The following CCDC122 variants were observed in gnomAD, a reference collection of about 807,000 sequenced individuals.
CCDC122 encodes the protein coiled-coil domain-containing protein 122.
CCDC122 carries 38 observed loss-of-function variants against 37.0 expected under a neutral mutation model. The observed-to-expected ratio is 1.03, with a 90% CI of 0.79 to 1.35. CCDC122 has a LOEUF of 1.35. Among genes scored for constraint, CCDC122 ranks in the 40% most tolerant of loss-of-function variants. The pLI, the probability that CCDC122 is intolerant of heterozygous loss-of-function variation, is 0.00. For missense variants in CCDC122, 305 were observed against 310.0 expected, an observed-to-expected ratio of 0.98 and a Z score of 0.12; for synonymous variants, 83 against 95.6, an observed-to-expected ratio of 0.87 and a Z score of 0.77.
chr13:43,858,218 A>G (rs974825962), intron 6 of CCDC122: 1 of 152,224 alleles, frequency 6.6e-6, no homozygotes, highest in African/African-American at 2.4e-5. Context: ...CCTTAATAGC[A>G]TATTATTTTA....
At chr13:43,863,895 T>C (rs1247202832) in intron 4 of CCDC122, among the ~76,000 whole-genome samples, 1 of 152,216 alleles carries the variant, frequency 6.6e-6, no homozygotes, top group Admixed American at 6.5e-5. Flanking sequence ...AAAATTTTTA[T>C]GTCATATTAA....
chr13:43,826,540 A>G (rs572090237), intron 3 of CCDC122, among the ~76,000 whole-genome samples: 2 of 152,310 alleles, frequency 1.3e-5, no homozygotes, highest in East Asian at 3.9e-4. Flanking sequence ...TCTTAATGAA[A>G]GCTCAAAACT....
At chr13:43,826,310 A>G (rs1953040555) in intron 3 of CCDC122, among the ~76,000 whole-genome samples, 1 of 152,184 alleles carries the variant, frequency 6.6e-6, no homozygotes, top group Non-Finnish European at 1.5e-5. Flanking sequence ...GAACTTACTT[A>G]CCTAAATTGT....
At chr13:43,823,313 A>C (rs1293846670), downstream of CCDC122, among the ~76,000 whole-genome samples, 1 of 152,100 alleles carries the variant, frequency 6.6e-6, no homozygotes, top group Non-Finnish European at 1.5e-5. Flanking sequence ...CTGGTATCCA[A>C]GATTCAAGAC....
intron 6 of CCDC122, among the ~76,000 whole-genome samples, chr13:43,840,320 T>C (rs949115802): frequency 2.6e-5 from 4 of 152,212 alleles, no homozygotes; most frequent in African/African-American, 9.6e-5. Flanking sequence ...GGACAAGTTA[T>C]CTATTCACAG....
intron 6 of CCDC122, among the ~76,000 whole-genome samples, chr13:43,845,175 TCTTAA>T (rs1234855254): frequency 1.4e-4 from 22 of 152,326 alleles, no homozygotes; most frequent in Non-Finnish European, 2.5e-4. Context: ...TAATATATTC[TCTTAA>T]CTTATCACAA....
At chr13:43,835,460 T>C (rs1349238227), downstream of CCDC122, among the ~76,000 whole-genome samples, 1 of 151,914 alleles carries the variant, frequency 6.6e-6, no homozygotes, top group Non-Finnish European at 1.5e-5. Context: ...TAAAGTATAA[T>C]AAAAAAAGAA....
intron 6 of CCDC122, among the ~76,000 whole-genome samples, chr13:43,852,810 A>C (rs1326146948): frequency 6.6e-6 from 1 of 152,002 alleles, no homozygotes; most frequent in African/African-American, 2.4e-5. Flanking sequence ...CCCTACAAGC[A>C]GAAGAGACTG....
intron 4 of CCDC122, among the ~76,000 whole-genome samples, chr13:43,861,826 C>T (rs183110805): frequency 1.3e-5 from 2 of 152,262 alleles, no homozygotes; most frequent in East Asian, 1.9e-4. Flanking sequence ...ACACACCAAA[C>T]ATATTCCTCC....
chr13:43,845,822 TA>T (rs1953507800), intron 6 of CCDC122, among the ~76,000 whole-genome samples: 1 of 152,234 alleles, frequency 6.6e-6, no homozygotes, highest in Non-Finnish European at 1.5e-5. Flanking sequence ...AAATTCAACT[TA>T]TTTTTTTAGT....
intron 2 of CCDC122, among the ~76,000 whole-genome samples, chr13:43,871,923 C>T (rs1954464919): frequency 6.6e-6 from 1 of 152,034 alleles, no homozygotes; most frequent in Admixed American, 6.6e-5. Flanking sequence ...AAGGCTCATT[C>T]CTAGATTACA....
downstream of CCDC122, among the ~76,000 whole-genome samples, chr13:43,834,949 C>G (rs1005771878): frequency 1.5e-4 from 23 of 152,212 alleles, no homozygotes; most frequent in African/African-American, 5.5e-4. Context: ...ACCCAGCCAT[C>G]CCATTACTGG....
chr13:43,867,364 C>A (rs1037674908), intron 4 of CCDC122, among the ~76,000 whole-genome samples: 3 of 152,046 alleles, frequency 2.0e-5, no homozygotes, highest in African/African-American at 4.8e-5. Flanking sequence ...CAGGCCTCTG[C>A]AAATGTCCTC....
intron 2 of CCDC122, 145 bp from the exon 3 acceptor site, chr13:43,869,634 T>C (rs986298487): frequency 2.9e-5 from 13 of 450,852 alleles, no homozygotes; most frequent in Admixed American, 2.2e-4. Flanking sequence ...GCTTTTCTGC[T>C]GTGGTGACCT....
chr13:43,850,349 A>C (rs1397627713), intron 6 of CCDC122, among the ~76,000 whole-genome samples: 3 of 152,236 alleles, frequency 2.0e-5, no homozygotes, highest in African/African-American at 7.2e-5. Flanking sequence ...GCACCACACG[A>C]ACATAACACA....
chr13:43,834,379 C>T (rs576550706), downstream of CCDC122, among the ~76,000 whole-genome samples: 1 of 152,256 alleles, frequency 6.6e-6, no homozygotes, highest in East Asian at 1.9e-4. Flanking sequence ...TGGGCAATAC[C>T]ATTCAGGACA....
chr13:43,869,011 T>A (rs1471455069), intron 3 of CCDC122, among the ~76,000 whole-genome samples: 1 of 152,038 alleles, frequency 6.6e-6, no homozygotes, highest in Non-Finnish European at 1.5e-5. Context: ...CCTACTGCAA[T>A]GTCATACCCG....
chr13:43,842,333 C>T (rs559614563), intron 6 of CCDC122, among the ~76,000 whole-genome samples: 9 of 152,050 alleles, frequency 5.9e-5, no homozygotes, highest in African/African-American at 1.9e-4. Context: ...GCCTTGAAAA[C>T]TTTGTCAAAT....
intron 3 of CCDC122, 26 bp from the exon 4 acceptor site, chr13:43,868,829 A>C: frequency 9.0e-7 from 1 of 1,112,156 alleles, no homozygotes; most frequent in African/African-American, 1.6e-5. Flanking sequence ...AGAATAAAGT[A>C]TATAATAAAA....
Sources: gnomAD v4.1 joint callset for allele counts (sites outside exome capture counted in the v4.1 genomes callset) on GRCh38, gnomAD v4.1.1 for gene constraint, MANE v1.5 for transcripts, NCBI Gene and HGNC (gene_info 2026-07-23, HGNC 2026-07-21) for gene names.